GRK3: variants seen among roughly 807,000 people sequenced by gnomAD.
GRK3 encodes the protein G protein-coupled receptor kinase 3.
GRK3 carries 54 observed loss-of-function variants against 95.7 expected under a neutral mutation model. That is an observed-to-expected ratio of 0.56 (90% confidence interval 0.45 to 0.71). The LOEUF is 0.71. Among genes scored for constraint, GRK3 ranks in the 30% least tolerant of loss-of-function variants. The pLI, the probability that GRK3 is intolerant of heterozygous loss-of-function variation, is 0.00. For missense variants in GRK3, 649 were observed against 851.2 expected, an observed-to-expected ratio of 0.76 and a Z score of 2.96; for synonymous variants, 281 against 290.8, an observed-to-expected ratio of 0.97 and a Z score of 0.34.
chr22:25,593,634 A>C (rs1437909118), intron 1 of GRK3, among the ~76,000 whole-genome samples: 5 of 152,046 alleles, frequency 3.3e-5, no homozygotes, highest in Admixed American at 6.5e-5. Context: ...ATTTTCTCTC[A>C]TTCTGTAGGG....
At position 25,713,198 on chromosome 22, in the gene GRK3, C is replaced by G. The variant is rs201153489; in HGVS notation, c.1492-1210C>G. Among the ~76,000 whole-genome samples, 7 of 152,238 alleles carry G rather than the reference C, an allele frequency of 4.6e-5. No individual in the cohort carries two copies. The East Asian group carries it at 1.4e-3, about 29-fold the overall frequency. ...TTTGCCAGACCGTTCAGAGCCTGTCCCTGTGTGCCTGATCTCAGGTGCTCA... is the reference window on the plus strand; with the variant it reads ...TTTGCCAGACCGTTCAGAGCCTGTCGCTGTGTGCCTGATCTCAGGTGCTCA... On this transcript the variant is annotated intron_variant, in intron 17 of 20. Coordinates refer to ENST00000324198, the MANE Select transcript of GRK3 (RefSeq NM_005160.4).
chr22:25,569,513 T>C (rs41258124), intron 1 of GRK3, among the ~76,000 whole-genome samples: 1,950 of 152,308 alleles, frequency 0.013, 26 homozygotes, highest in Middle Eastern at 0.065. Flanking sequence ...CAATGGATTC[T>C]TAGAGACAGC....
Position 25,714,443 on chromosome 22 carries a change from C to G in GRK3, c.1527C>G (p.Phe509Leu). Residue 509 changes from phenylalanine to leucine, a missense_variant, in exon 18 of 21, where the codon TTC becomes TTG. By Grantham distance (22) the Phe-to-Leu change is conservative. Coordinates refer to ENST00000324198, the MANE Select transcript of GRK3 (RefSeq NM_005160.4). ...GCGACCAAGAACTCTACAAGAACTT[C>G]CCTTTGGTCATCTCTGAACGCTGGC... is the stretch of plus-strand genomic sequence containing the variant. The part of the protein sequence containing the change: ...LDCDQELYKN[F>L]PLVISERWQQ... The G allele has an allele frequency of 1.9e-6, 3 of 1,613,234 alleles. No individual in the cohort carries two copies. Among genetic ancestry groups the G allele is most frequent in the Non-Finnish European group, 2.5e-6 (3 of 1,179,768 alleles).
chr22:25,718,443 T>A, intron 19 of GRK3, 62 bp downstream of exon 19: 1 of 1,561,570 alleles, frequency 6.4e-7, no homozygotes, highest in East Asian at 2.3e-5. Context: ...TATGGTTATT[T>A]CATGTTGCTG....
Position 25,709,898 on chromosome 22 carries a change from C to G in GRK3, c.1329C>G (p.Gly443=). 1.2e-6 allele frequency: 2 copies of G among 1,612,070 alleles called. No individual in the cohort carries two copies. Among genetic ancestry groups the G allele is most frequent in the Non-Finnish European group, 1.7e-6 (2 of 1,178,096 alleles). Residue 443 remains glycine, a splice_region_variant and synonymous_variant, in exon 16 of 21, where the codon GGC becomes GGG. Coordinates refer to ENST00000324198, the MANE Select transcript of GRK3 (RefSeq NM_005160.4). The part of the protein sequence containing the change: ...VSKRLGCHGG[G]SQEVKEHSFF... ...ACTGTTATGACTCTTTCTCCTCCAGCTCACAGGAAGTAAAAGAGCACAGCT... is the reference window on the plus strand; with the variant it reads ...ACTGTTATGACTCTTTCTCCTCCAGGTCACAGGAAGTAAAAGAGCACAGCT...
intron 12 of GRK3, among the ~76,000 whole-genome samples, chr22:25,691,104 C>T (rs760979721): frequency 1.7e-4 from 26 of 152,168 alleles, no homozygotes; most frequent in Non-Finnish European, 3.1e-4. Context: ...CACCATGGAA[C>T]GTGCACTGGT....
At chr22:25,566,543 G>A (rs1363310414) in intron 1 of GRK3, among the ~76,000 whole-genome samples, 1 of 152,298 alleles carries the variant, frequency 6.6e-6, no homozygotes. Context: ...TTTGCAGGAT[G>A]TGCTACTCTT....
chr22:25,698,304 A>G (rs908142612), intron 13 of GRK3, among the ~76,000 whole-genome samples: 1 of 152,178 alleles, frequency 6.6e-6, no homozygotes, highest in Non-Finnish European at 1.5e-5. Context: ...CCAACCAGCC[A>G]GCCAGGAAGG....
intron 2 of GRK3, among the ~76,000 whole-genome samples, chr22:25,604,988 G>A (rs1231757686): frequency 1.3e-5 from 2 of 152,198 alleles, no homozygotes; most frequent in Admixed American, 6.5e-5. Context: ...ACAGGGAGGT[G>A]GAGTGACTTG....
intron 20 of GRK3, 78 bp downstream of exon 20, chr22:25,721,475 T>G: frequency 1.2e-6 from 1 of 818,420 alleles, no homozygotes; most frequent in South Asian, 1.6e-5. Context: ...CTATAAAACA[T>G]TTTCTTATGC....
intron 19 of GRK3, 124 bp from the exon 20 acceptor site, chr22:25,721,160 C>A (rs1426605637): frequency 3.8e-6 from 2 of 520,588 alleles, no homozygotes; most frequent in African/African-American, 4.0e-5. Context: ...TTCTAGAATA[C>A]CATCAAAGAA....
intron 19 of GRK3, among the ~76,000 whole-genome samples, chr22:25,721,072 T>A (rs1184160622): frequency 6.6e-6 from 1 of 152,232 alleles, no homozygotes; most frequent in African/African-American, 2.4e-5. Context: ...AGCAAAACAT[T>A]GCTTTCTCTG....
At chr22:25,647,182 T>TTGGGG in intron 3 of GRK3, 1 of 123,988 alleles carries the variant, frequency 8.1e-6, no homozygotes, top group Non-Finnish European at 1.6e-5. Context: ...GGGCCTCACC[T>TTGGGG]CCACCCACCG....
At chr22:25,584,043 A>G (rs1203235425) in intron 1 of GRK3, among the ~76,000 whole-genome samples, 1 of 152,262 alleles carries the variant, frequency 6.6e-6, no homozygotes, top group Non-Finnish European at 1.5e-5. Flanking sequence ...AAATATGCAA[A>G]TATGAAACTA....
chr22:25,673,299 T>C (rs1408032293), intron 7 of GRK3, among the ~76,000 whole-genome samples: 1 of 152,122 alleles, frequency 6.6e-6, no homozygotes, highest in Non-Finnish European at 1.5e-5. Context: ...CCTGACCTCA[T>C]GATCAGCCCG....
chr22:25,648,077 C>T, intron 3 of GRK3: 1 of 548,806 alleles, frequency 1.8e-6, no homozygotes, highest in East Asian at 3.3e-5. Flanking sequence ...GATCGCGCCA[C>T]TGCACTCCAG....
At chr22:25,668,357 A>G (rs776042822) in intron 6 of GRK3, among the ~76,000 whole-genome samples, 26 of 152,222 alleles carry the variant, frequency 1.7e-4, no homozygotes, top group Non-Finnish European at 2.9e-5. Context: ...TGGACCCTCT[A>G]AAACAGAATC....
At chr22:25,579,180 A>G (rs1932011829) in intron 1 of GRK3, among the ~76,000 whole-genome samples, 1 of 150,626 alleles carries the variant, frequency 6.6e-6, no homozygotes, top group Admixed American at 6.6e-5. Flanking sequence ...TCTTTGTGAC[A>G]CGCTCTCGCT....
intron 10 of GRK3, among the ~76,000 whole-genome samples, chr22:25,685,780 A>T (rs2085108085): frequency 1.3e-5 from 2 of 152,134 alleles, no homozygotes; most frequent in African/African-American, 2.4e-5. Flanking sequence ...GAGCTTTCTG[A>T]TACTAGAAGG....
Sources: gnomAD v4.1 joint callset for allele counts (sites outside exome capture counted in the v4.1 genomes callset) on GRCh38, gnomAD v4.1.1 for gene constraint, MANE v1.5 for transcripts, NCBI Gene and HGNC (gene_info 2026-07-23, HGNC 2026-07-21) for gene names.